WDHD1: variants seen among roughly 807,000 people sequenced by gnomAD.
WDHD1 encodes WD repeat and HMG-box DNA binding protein 1, also known as WD repeat and HMG-box DNA-binding protein 1.
WDHD1 carries 111 observed loss-of-function variants against 135.4 expected under a neutral mutation model. The ratio of observed to expected loss-of-function variants is 0.82; its 90% CI spans 0.70 to 0.96. The LOEUF (loss-of-function observed/expected upper bound fraction) is 0.96. Among genes scored for constraint, WDHD1 ranks in the 40% least tolerant of loss-of-function variants. The pLI, the probability that WDHD1 is intolerant of heterozygous loss-of-function variation, is 0.00. For synonymous variants in WDHD1, 434 were observed against 439.0 expected (o/e 0.99, Z 0.14); for missense variants, 1,351 against 1,336.3 (o/e 1.01, Z -0.17).
intron 16 of WDHD1, among the ~76,000 whole-genome samples, chr14:54,967,963 C>T (rs930943770): frequency 5.3e-5 from 8 of 152,114 alleles, no homozygotes; most frequent in Non-Finnish European, 1.0e-4. Context: ...AAAGTGAAAT[C>T]AGCTCTCTTC....
In WDHD1 at chr14:54,995,811, T is replaced by C. The variant is rs777539662; in HGVS notation, c.945A>G (p.Val315=). 50 of 1,552,018 alleles carry C rather than the reference T, an allele frequency of 3.2e-5. 1 individual carries two copies. In the South Asian group the frequency reaches 5.8e-4, roughly 18 times the overall value. Residue 315 remains valine (V), a splice_region_variant and synonymous_variant, in exon 11 of 26, where the codon GTA becomes GTG. Coordinates refer to ENST00000360586, the MANE Select transcript of WDHD1 (RefSeq NM_007086.4). ...TATAATCCTTTTCCACTCTGCTAGA[T>C]ACCTTGAACAAATTAATACAAATTA... ...DPSGKTSSSK[V]SSRVEKDYND...
chr14:54,955,180 A>C (rs1374456826), intron 24 of WDHD1, among the ~76,000 whole-genome samples: 2 of 152,356 alleles, frequency 1.3e-5, no homozygotes, highest in East Asian at 1.9e-4. Flanking sequence ...GTTCCACAAG[A>C]AACTTGTTGC....
At chr14:54,987,086 C>T in intron 14 of WDHD1, 60 bp downstream of exon 14, 2 of 1,586,034 alleles carry the variant, frequency 1.3e-6, no homozygotes, top group Non-Finnish European at 1.7e-6. Flanking sequence ...ACAAAAACAG[C>T]AAAAAAGCTC....
At chr14:54,958,681 T>C (rs1368723200) in intron 21 of WDHD1, among the ~76,000 whole-genome samples, 1 of 152,204 alleles carries the variant, frequency 6.6e-6, no homozygotes. Context: ...TCTGAGATAC[T>C]GCATTCCCTG....
chr14:55,009,486 G>A (rs962792390), intron 4 of WDHD1, among the ~76,000 whole-genome samples: 24 of 150,542 alleles, frequency 1.6e-4, no homozygotes, highest in African/African-American at 5.4e-4. Context: ...AGGCTGGAAC[G>A]CAATGGCGTG....
chr14:54,954,571 C>T (rs534665840), intron 24 of WDHD1, among the ~76,000 whole-genome samples: 19 of 152,114 alleles, frequency 1.2e-4, no homozygotes, highest in Non-Finnish European at 1.8e-4. Context: ...AGCAAAAGAC[C>T]GGTAACCATC....
rs1395617581 is a variant in WDHD1, at chr14:54,939,064, T to C, written c.*2426A>G. The stretch of plus-strand genomic sequence containing the variant: ...TGTCTATAAAGCATACATGATAAAA[T>C]GTCAACAATAAGACAAACTAGAGGA... On this transcript the variant is annotated 3_prime_UTR_variant, in exon 26 of 26. Transcript: ENST00000360586. 1 of 152,126 alleles carries C rather than the reference T, an allele frequency of 6.6e-6. No individual in the cohort carries two copies. Among genetic ancestry groups the C allele is most frequent in the African/African-American group, 2.4e-5 (1 of 41,428 alleles). The allele number at this position is 152,126 out of a possible 1,614,324, so 9.4% of individuals were successfully genotyped here. A position where few individuals can be genotyped will look rare whatever the true frequency, so the allele number is the denominator to read the frequency against.
At chr14:54,967,653 C>A (rs991730740) in intron 16 of WDHD1, among the ~76,000 whole-genome samples, 1 of 152,170 alleles carries the variant, frequency 6.6e-6, no homozygotes, top group Non-Finnish European at 1.5e-5. Flanking sequence ...CAGGGTCTCA[C>A]TGTGTTGCCC....
intron 14 of WDHD1, among the ~76,000 whole-genome samples, 157 bp downstream of exon 14, chr14:54,986,989 T>C (rs764966417): frequency 2.6e-5 from 4 of 152,204 alleles, no homozygotes; most frequent in Non-Finnish European, 4.4e-5. Context: ...TTCATTTTCA[T>C]TGCTGCTAGT....
intron 11 of WDHD1, 119 bp from the exon 12 acceptor site, chr14:54,991,519 G>A (rs1298904189): frequency 9.3e-6 from 9 of 967,752 alleles, no homozygotes; most frequent in African/African-American, 1.6e-5. Flanking sequence ...CATGCTATTT[G>A]CCTCTTTCAC....
At chr14:55,009,707 C>T (rs2042133651) in intron 4 of WDHD1, among the ~76,000 whole-genome samples, 3 of 152,044 alleles carry the variant, frequency 2.0e-5, no homozygotes, top group African/African-American at 7.2e-5. Flanking sequence ...GCTGGGATTA[C>T]AGGCATGAGC....
chr14:55,006,722 A>G (rs1270923173), intron 7 of WDHD1, among the ~76,000 whole-genome samples: 2 of 152,230 alleles, frequency 1.3e-5, no homozygotes, highest in East Asian at 3.8e-4. Flanking sequence ...TCCATTAAGC[A>G]TGAATGTGAA....
At chr14:54,972,147 C>T (rs529599901) in intron 16 of WDHD1, among the ~76,000 whole-genome samples, 2 of 151,912 alleles carry the variant, frequency 1.3e-5, no homozygotes, top group East Asian at 1.9e-4. Flanking sequence ...TGGTGATGGG[C>T]GCCTGTAGTC....
At chr14:55,010,224 C>T (rs1217208240) in intron 4 of WDHD1, 85 bp downstream of exon 4, 9 of 1,305,594 alleles carry the variant, frequency 6.9e-6, no homozygotes, top group African/African-American at 6.1e-5. Flanking sequence ...AATTAAGTCA[C>T]GGTCCTGAAA....
intron 24 of WDHD1, among the ~76,000 whole-genome samples, chr14:54,955,269 C>T (rs1020575762): frequency 6.6e-6 from 1 of 152,038 alleles, no homozygotes. Flanking sequence ...TTTGCTATTT[C>T]TCCCCATTAA....
At chr14:55,003,344 T>C (rs1438058072) in intron 7 of WDHD1, among the ~76,000 whole-genome samples, 1 of 151,720 alleles carries the variant, frequency 6.6e-6, no homozygotes, top group African/African-American at 2.4e-5. Context: ...ACCCTGTCTC[T>C]ACAAAAAATA....
chr14:54,959,371 C>T (rs892746115), intron 21 of WDHD1, among the ~76,000 whole-genome samples: 1 of 113,626 alleles, frequency 8.8e-6, no homozygotes, highest in African/African-American at 3.1e-5. Flanking sequence ...GCACTCTAAC[C>T]TGGATGACAG....
intron 18 of WDHD1, among the ~76,000 whole-genome samples, chr14:54,963,970 T>A (rs539645460): frequency 1.2e-4 from 19 of 152,152 alleles, no homozygotes; most frequent in African/African-American, 4.6e-4. Context: ...TAGCTGGGCG[T>A]GGTGGCATGC....
rs1344495461 is a variant in WDHD1, at chr14:54,957,054, G to A, written c.2896C>T (p.Pro966Ser). ...AGTACCTGCTTAGGCTTCGGCTTTG[G>A]AATCAGAGGCTTTATAATGGGAGAC... ...EKSPIIKPLI[P>S]KPKPKQASAA... The change falls in exon 23 of 26, where the codon CCA (proline) becomes TCA (serine). Residue 966 changes from proline to serine, a missense_variant. Pro to Ser is a moderately conservative substitution (Grantham distance 74). Coordinates refer to ENST00000360586, the MANE Select transcript of WDHD1 (RefSeq NM_007086.4). The A allele has an allele frequency of 6.2e-7, 1 of 1,613,892 alleles. No individual in the cohort carries two copies. The highest frequency in any genetic ancestry group is 1.1e-5 in the South Asian group (1 of 91,006).
Sources: gnomAD v4.1 joint callset for allele counts (sites outside exome capture counted in the v4.1 genomes callset) on GRCh38, gnomAD v4.1.1 for gene constraint, MANE v1.5 for transcripts, NCBI Gene and HGNC (gene_info 2026-07-23, HGNC 2026-07-21) for gene names.